Variants in SMTN observed in about 807,000 individuals in gnomAD.
SMTN encodes the protein smoothelin.
SMTN carries 58 observed loss-of-function variants against 102.0 expected under a neutral mutation model. The ratio of observed to expected loss-of-function variants is 0.57; its 90% CI spans 0.46 to 0.71. The LOEUF (loss-of-function observed/expected upper bound fraction) is 0.71, where lower values mean the gene tolerates loss of function less well. Among genes scored for constraint, SMTN ranks in the 30% least tolerant of loss-of-function variants. The probability of loss-of-function intolerance (pLI) is 0.00; values close to 1 mark genes in which losing one functional copy is unlikely to be tolerated. For missense variants in SMTN, 1,185 were observed against 1,241.7 expected, an observed-to-expected ratio of 0.95 and a Z score of 0.69; for synonymous variants, 478 against 497.9, an observed-to-expected ratio of 0.96 and a Z score of 0.53.
chr22:31,088,564 G>A lies in SMTN; in HGVS notation c.252G>A (p.Gly84=), dbSNP rs1481235106. The change falls in exon 4 of 21, where the codon GGG becomes GGA. Residue 84 remains glycine (G), a synonymous_variant. Transcript: ENST00000333137. ...EQRAALARLA[G]QLESMNDVEE... is the part of the protein sequence containing the mutation. The stretch of plus-strand genomic sequence containing the variant: ...GGGCTGCCCTGGCACGGCTGGCAGG[G>A]CAGCTGGAGTCCATGAACGATGTGG... The A allele has an allele frequency of 6.2e-7, 1 of 1,613,766 alleles. No individual in the cohort carries two copies. The highest frequency in any genetic ancestry group is 2.2e-5 in the East Asian group (1 of 44,886).
chr22:31,090,727 G>A (rs548678718), intron 8 of SMTN, 81 bp from the exon 9 acceptor site: 1 of 1,120,694 alleles, frequency 8.9e-7, no homozygotes, highest in Non-Finnish European at 1.4e-6. Context: ...GTAGAGGAGA[G>A]GATTATGAAA....
Position 31,099,119 on chromosome 22 carries a change from C to T in SMTN, c.2391C>T (p.Asn797=), listed in dbSNP as rs374513508. Residue 797 remains asparagine (N), a synonymous_variant, in exon 18 of 21, where the codon AAC becomes AAT. Coordinates refer to ENST00000333137, the MANE Select transcript of SMTN (RefSeq NM_134269.3). ...GATCCACCAGCTTCGGGGTCCCCAA[C>T]GCCAACAGCATCAAGCAGATGCTGC... ...VQRSTSFGVP[N]ANSIKQMLLD... The T allele has an allele frequency of 2.8e-5, 45 of 1,613,214 alleles. No homozygotes were observed. In the Admixed American group the frequency reaches 3.0e-4, roughly 11 times the overall value.
chr22:31,093,328 G>A, intron 11 of SMTN: 1 of 311,320 alleles, frequency 3.2e-6, no homozygotes, highest in South Asian at 2.9e-5. Flanking sequence ...CAGGGGCGGG[G>A]CAGGCCCGCT....
intron 15 of SMTN, 38 bp downstream of exon 15, chr22:31,097,098 G>GCCTC: frequency 1.3e-6 from 2 of 1,599,194 alleles, no homozygotes; most frequent in Non-Finnish European, 1.7e-6. Context: ...CTGCCTGCCT[G>GCCTC]TCCGCCCACC....
intron 2 of SMTN, among the ~76,000 whole-genome samples, chr22:31,086,912 A>G (rs977295971): frequency 2.0e-5 from 3 of 152,140 alleles, no homozygotes; most frequent in African/African-American, 7.2e-5. Context: ...CCTTCCCGCT[A>G]AGCAGAAAGG....
intron 6 of SMTN, 140 bp downstream of exon 6, chr22:31,089,109 G>C (rs768662554): frequency 1.4e-6 from 1 of 697,962 alleles, no homozygotes; most frequent in Non-Finnish European, 2.4e-6. Context: ...GCAGTCAGAG[G>C]GATCTCCCAG....
At chr22:31,082,576 T>C (rs753996751) in intron 1 of SMTN, 5 of 529,540 alleles carry the variant, frequency 9.4e-6, no homozygotes, top group African/African-American at 3.8e-5. Context: ...AGGTGGGGAA[T>C]TGAATTCTGT....
chr22:31,099,994 C>A, intron 19 of SMTN, 98 bp downstream of exon 19: 1 of 1,221,378 alleles, frequency 8.2e-7, no homozygotes, highest in Non-Finnish European at 1.1e-6. Context: ...AGCGGGCCAG[C>A]CACATTGTCA....
chr22:31,095,575 G>C lies in SMTN; in HGVS notation c.1827G>C (p.Arg609=). The C allele has an allele frequency of 6.2e-7, 1 of 1,613,958 alleles. No individual in the cohort carries two copies. The highest frequency in any genetic ancestry group is 8.5e-7 in the Non-Finnish European group (1 of 1,179,964). Residue 609 remains arginine, a synonymous_variant, in exon 13 of 21, where the codon CGG becomes CGC. Transcript: ENST00000333137. The surrounding 1 kb of genome is among the most constrained non-coding windows in gnomAD (Gnocchi z 4.1). ...STDFEERKLI[R]AALRELRQRK... ...ACTTTGAAGAGCGGAAGCTCATCCG[G>C]GCTGCACTTCGTGAGCTCCGACAAA...
chr22:31,096,920 C>A, intron 14 of SMTN, 23 bp downstream of exon 14: 1 of 1,609,388 alleles, frequency 6.2e-7, no homozygotes, highest in African/African-American at 1.3e-5. Context: ...ATGGGGCCGG[C>A]CCAGGGCTCA....
upstream of SMTN, among the ~76,000 whole-genome samples, chr22:31,076,371 C>T (rs186583424): frequency 2.0e-4 from 31 of 152,328 alleles, no homozygotes; most frequent in Non-Finnish European, 4.1e-4. Flanking sequence ...TTCATGCCTC[C>T]AGTGAGGCTT....
At chr22:31,090,437 G>A (rs949754616) in intron 8 of SMTN, among the ~76,000 whole-genome samples, 2 of 152,006 alleles carry the variant, frequency 1.3e-5, no homozygotes, top group Admixed American at 1.3e-4. Context: ...CCCCAATAAG[G>A]GAGTCCACCC....
In SMTN at chr22:31,069,450, A is replaced by G. The variant is rs2041946532; in HGVS notation, c.-386+5263A>G. On this transcript the variant is annotated intron_variant, in intron 1 of 3. Coordinates refer to the SMTN transcript ENST00000422839. ...ACACAAGATGGGGATTGCCATGTGAAGTTTCCAGATTTTTTAAAATGTTAG... is the reference window on the plus strand; with the variant it reads ...ACACAAGATGGGGATTGCCATGTGAGGTTTCCAGATTTTTTAAAATGTTAG... Among the ~76,000 whole-genome samples the G allele has an allele frequency of 2.0e-5, 3 of 152,232 alleles. No individual in the cohort carries two copies. In the South Asian group the frequency reaches 6.2e-4, roughly 31 times the overall value.
At chr22:31,104,274 G>C in intron 20 of SMTN, 42 bp from the exon 21 acceptor site, 1 of 1,601,262 alleles carries the variant, frequency 6.2e-7, no homozygotes, top group Non-Finnish European at 8.5e-7. Flanking sequence ...CACGAGAGGC[G>C]GGTCTGGCGC....
At position 31,088,762 on chromosome 22, in the gene SMTN, G is replaced by A. The variant is rs1217728329; in HGVS notation, c.358G>A (p.Ala120Thr). 1.9e-6 allele frequency: 3 copies of A among 1,612,830 alleles called. No homozygotes were observed. Among genetic ancestry groups the A allele is most frequent in the Non-Finnish European group, 2.5e-6 (3 of 1,179,428 alleles). ...CCGAGCTGCCATCCGCCGTGTACGG[G>A]CTCAGGAGATTGAGGGTATGTGGCC... ...LIRAAIRRVR[A>T]QEIEAATLAG... The change falls in exon 5 of 21, where the codon GCT (alanine) becomes ACT (threonine). Residue 120 changes from alanine to threonine, a missense_variant. Ala to Thr is a moderately conservative substitution (Grantham distance 58). This residue lies in a region of SMTN where 1,096 missense variants were observed against 1,112.7 expected (regional missense o/e 0.98). Coordinates refer to ENST00000333137, the MANE Select transcript of SMTN (RefSeq NM_134269.3).
Position 31,089,714 on chromosome 22 carries a change from G to A in SMTN, c.487G>A (p.Glu163Lys). The change falls in exon 7 of 21, where the codon GAA becomes AAA. Residue 163 changes from glutamate to lysine, a missense_variant. This residue lies in a region of SMTN where 1,096 missense variants were observed against 1,112.7 expected (regional missense o/e 0.98). Transcript: ENST00000333137. ...LEQCEVPEREEQEQQAEVSKP... is the reference protein window; with the variant it reads ...LEQCEVPEREKQEQQAEVSKP... The stretch of plus-strand genomic sequence containing the variant: ...TCCCTTACAGGTGCCAGAGCGAGAG[G>A]AACAGGAACAGCAGGCAGAGGTTTC... 13 of 1,601,830 alleles carry A rather than the reference G, an allele frequency of 8.1e-6. No homozygotes were observed. Among genetic ancestry groups the A allele is most frequent in the Non-Finnish European group, 1.1e-5 (13 of 1,178,196 alleles).
Position 31,098,779 on chromosome 22 carries a change from A to G in SMTN, c.2272A>G (p.Thr758Ala). The change falls in exon 17 of 21, where the codon ACC (threonine) becomes GCC (alanine). Residue 758 changes from threonine (T) to alanine (A), a missense_variant. Around this residue, in one of 2 missense-constraint regions of SMTN, gnomAD observed 1,096 missense variants for 1,112.7 expected, o/e 0.98. Transcript: ENST00000333137. The part of the protein sequence containing the change: ...ELMKAQSLPK[T>A]SASQARKAMI... ...GATGAAGGCGCAGAGTCTGCCCAAG[A>G]CCTCAGCCTCCCAGGCGCGCAAGGC... 6.2e-7 allele frequency: 1 copy of G among 1,612,920 alleles called. No individual in the cohort carries two copies. The highest frequency in any genetic ancestry group is 1.3e-5 in the African/African-American group (1 of 74,938).
intron 6 of SMTN, among the ~76,000 whole-genome samples, 191 bp downstream of exon 6, chr22:31,089,160 G>A (rs762054244): frequency 2.5e-4 from 38 of 152,114 alleles, no homozygotes; most frequent in Non-Finnish European, 4.6e-4. Flanking sequence ...GCTTCAACCC[G>A]TCCCAGGGCT....
chr22:31,073,413 A>G (rs1569232204), intron 1 of SMTN, among the ~76,000 whole-genome samples: 1 of 152,162 alleles, frequency 6.6e-6, no homozygotes. Context: ...GTGACTACAT[A>G]AAGGCCAGTG....
Sources: allele counts gnomAD v4.1 joint callset (sites outside exome capture counted in the v4.1 genomes callset), GRCh38; gene constraint gnomAD v4.1.1; regional missense constraint gnomAD v4.1.1; non-coding constraint Gnocchi (gnomAD v3.1); transcripts MANE v1.5; gene names NCBI Gene and HGNC (gene_info 2026-07-23, HGNC 2026-07-21).